VAV2: variants seen among roughly 807,000 people sequenced by gnomAD.
VAV2 encodes the protein guanine nucleotide exchange factor VAV2.
Under a neutral mutation model 132.5 loss-of-function variants are expected in VAV2, and 67 were observed. The observed-to-expected ratio is 0.51, with a 90% CI of 0.42 to 0.62. The LOEUF is 0.62. VAV2 is among the 20% of genes least tolerant of loss of function. VAV2 has a pLI of 0.00. For synonymous variants in VAV2, 492 were observed against 443.5 expected (o/e 1.11, Z -1.37); for missense variants, 938 against 1,153.6 (o/e 0.81, Z 2.71).
chr9:133,954,985 G>A (rs915858402), intron 1 of VAV2, among the ~76,000 whole-genome samples: 1 of 152,124 alleles, frequency 6.6e-6, no homozygotes, highest in Admixed American at 6.5e-5. Flanking sequence ...ACTGCTGTTT[G>A]CGTGCAATGA....
rs765663291 is a variant in VAV2, at chr9:133,768,444, G to A, written c.2587C>T (p.Arg863Trp). ...QGWWKGETNG[R>W]IGWFPSTYVE... ...ACCCTCAGGGTGGGGCCACTCACCCGTCCGTTGGTCTCGCCCTTCCACCAG... is the reference window on the plus strand; with the variant it reads ...ACCCTCAGGGTGGGGCCACTCACCCATCCGTTGGTCTCGCCCTTCCACCAG... The change falls in exon 29 of 30, where the codon CGG (arginine) becomes TGG (tryptophan). Residue 863 changes from arginine to tryptophan, a missense_variant and splice_region_variant. Physicochemically the swap from Arg to Trp is moderately radical, Grantham distance 101 (BLOSUM62 -3). Coordinates refer to ENST00000371850, the MANE Select transcript of VAV2 (RefSeq NM_001134398.2). This position sits in a 1 kb window ranked among gnomAD's most constrained non-coding sequence, Gnocchi z 5.3. 18 of 1,612,632 alleles carry A rather than the reference G, an allele frequency of 1.1e-5. No homozygotes were observed. Among genetic ancestry groups the A allele is most frequent in the African/African-American group, 5.3e-5 (4 of 74,884 alleles).
rs964323867 is a variant in VAV2 at position 133,835,777 on chromosome 9, G to T, written c.381-1437C>A. ...GACCTGTGCTCCTGCGGGAGGGCAG[G>T]GGGGAGTCCGCTGATCTGTGAGCTG... On this transcript the variant is annotated intron_variant, in intron 3 of 29. Coordinates refer to ENST00000371850, the MANE Select transcript of VAV2 (RefSeq NM_001134398.2). Among the ~76,000 whole-genome samples the T allele has an allele frequency of 4.6e-5, 7 of 152,320 alleles. No individual in the cohort carries two copies. The South Asian group carries it at 1.5e-3, about 32-fold the overall frequency.
intron 16 of VAV2, among the ~76,000 whole-genome samples, chr9:133,786,208 C>T (rs902422523): frequency 2.6e-5 from 4 of 152,226 alleles, no homozygotes; most frequent in South Asian, 2.1e-4. Flanking sequence ...TGCCTGCACG[C>T]GTGTCTATGC....
chr9:133,855,357 G>T (rs1332651970), intron 3 of VAV2, among the ~76,000 whole-genome samples: 1 of 152,252 alleles, frequency 6.6e-6, no homozygotes, highest in Non-Finnish European at 1.5e-5. Flanking sequence ...TACCTTGTAG[G>T]TGATTTGGGA....
chr9:133,977,417 G>A lies in VAV2; in HGVS notation c.204+14658C>T, dbSNP rs111903395. 9.2e-5 allele frequency among the ~76,000 whole-genome samples: 14 copies of A among 152,288 alleles called. No individual in the cohort carries two copies. The East Asian group carries it at 2.5e-3, about 27-fold the overall frequency. ...AGAGGGCAGGAGGGTCTCAGGATGC[G>A]GCGCTCATGAGCATGAAGGACTAGA... On this transcript the variant is annotated intron_variant, in intron 1 of 29. Transcript: ENST00000371850.
chr9:133,976,217 A>C (rs1278124799), intron 1 of VAV2, among the ~76,000 whole-genome samples: 1 of 152,060 alleles, frequency 6.6e-6, no homozygotes, highest in Non-Finnish European at 1.5e-5. Flanking sequence ...AAAAAAAAAA[A>C]TGCTATGTTG....
At chr9:133,934,966 A>G (rs148189241) in intron 2 of VAV2, among the ~76,000 whole-genome samples, 1 of 152,154 alleles carries the variant, frequency 6.6e-6, no homozygotes, top group African/African-American at 2.4e-5. Flanking sequence ...GGAGTAAGAG[A>G]GTCAGCTCTG....
intron 1 of VAV2, among the ~76,000 whole-genome samples, chr9:133,942,127 C>G (rs140818716): frequency 2.0e-5 from 3 of 152,182 alleles, no homozygotes; most frequent in South Asian, 4.1e-4. Context: ...GGAGAAGACA[C>G]TGAGTTTTAC....
At chr9:133,848,460 G>A (rs1837036648) in intron 3 of VAV2, among the ~76,000 whole-genome samples, 1 of 152,160 alleles carries the variant, frequency 6.6e-6, no homozygotes, top group African/African-American at 2.4e-5. Context: ...TTGTTCTTGG[G>A]TTGACTGGCC....
intron 1 of VAV2, among the ~76,000 whole-genome samples, chr9:133,946,186 C>T (rs1052676475): frequency 2.6e-5 from 4 of 152,236 alleles, no homozygotes; most frequent in Non-Finnish European, 5.9e-5. Flanking sequence ...AGCCCGCCAC[C>T]CCGCTGGCCT....
In VAV2 at chr9:133,802,454, C is replaced by A. The variant is rs1196879589; in HGVS notation, c.836+3627G>T. ...GACTCCTCCCCTGGAGAAAGTTGTT[C>A]AGGCGCAAATGATTTCTGTCCTGAT... On this transcript the variant is annotated intron_variant, in intron 9 of 29. Transcript: ENST00000371850. The surrounding 1 kb of genome is among the most constrained non-coding windows in gnomAD (Gnocchi z 5.8). Among the ~76,000 whole-genome samples the A allele has an allele frequency of 7.0e-6, 1 of 141,868 alleles. No homozygotes were observed. The highest frequency in any genetic ancestry group is 1.5e-5 in the Non-Finnish European group (1 of 66,002). The allele number at this position is 141,868 out of a possible 152,430, so 93.1% of individuals were successfully genotyped here. A position where few individuals can be genotyped will look rare whatever the true frequency, so the allele number is the denominator to read the frequency against.
intron 3 of VAV2, among the ~76,000 whole-genome samples, chr9:133,850,302 C>T (rs777050166): frequency 6.6e-6 from 1 of 152,218 alleles, no homozygotes; most frequent in East Asian, 1.9e-4. Context: ...ACGCCCTACC[C>T]TGCTCTGCCC....
intron 4 of VAV2, among the ~76,000 whole-genome samples, chr9:133,821,213 T>C (rs4059239): frequency 0.22 from 33,165 of 152,088 alleles, 4,580 homozygotes; most frequent in African/African-American, 0.39. Context: ...TCAGAGGCTA[T>C]ACTTCGTGGA....
At chr9:133,837,559 C>T (rs1451946943) in intron 3 of VAV2, among the ~76,000 whole-genome samples, 2 of 151,952 alleles carry the variant, frequency 1.3e-5, no homozygotes, top group African/African-American at 2.4e-5. Context: ...ATTAGCCGGG[C>T]GCGGTGGTGG....
At chr9:133,894,900 T>C (rs1377150691) in intron 2 of VAV2, among the ~76,000 whole-genome samples, 2 of 152,144 alleles carry the variant, frequency 1.3e-5, no homozygotes, top group East Asian at 3.9e-4. Flanking sequence ...TCACCGGCCC[T>C]AGACCCTGGG....
intron 2 of VAV2, among the ~76,000 whole-genome samples, chr9:133,927,607 C>A (rs766281220): frequency 6.6e-6 from 1 of 152,194 alleles, no homozygotes; most frequent in Admixed American, 6.5e-5. Flanking sequence ...CCCCCTGCAC[C>A]CTTGCCTTTC....
intron 2 of VAV2, among the ~76,000 whole-genome samples, chr9:133,925,474 T>C (rs772298134): frequency 1.6e-4 from 25 of 152,238 alleles, no homozygotes; most frequent in Non-Finnish European, 2.6e-4. Flanking sequence ...TGCCTCGGCT[T>C]CCCAAAGTGC....
intron 2 of VAV2, among the ~76,000 whole-genome samples, chr9:133,917,866 A>G (rs1840154160): frequency 6.6e-6 from 1 of 152,158 alleles, no homozygotes; most frequent in African/African-American, 2.4e-5. Context: ...GGACAGTGGG[A>G]GAGAGAACTG....
At chr9:133,791,911 G>A (rs770340926) in intron 12 of VAV2, 42 bp from the exon 13 acceptor site, 1 of 1,544,586 alleles carries the variant, frequency 6.5e-7, no homozygotes, top group South Asian at 1.1e-5. Context: ...GTGCTGGGTG[G>A]GGTGTGTGTG....
Sources: gnomAD v4.1 joint callset for allele counts (sites outside exome capture counted in the v4.1 genomes callset) on GRCh38, gnomAD v4.1.1 for gene constraint, Gnocchi (gnomAD v3.1) non-coding constraint, MANE v1.5 for transcripts, NCBI Gene and HGNC (gene_info 2026-07-23, HGNC 2026-07-21) for gene names.